DOCK7: variants seen among roughly 807,000 people sequenced by gnomAD.
The protein encoded by DOCK7 is dedicator of cytokinesis protein 7.
In DOCK7, 138 loss-of-function variants were observed where a neutral mutation model predicts 271.0. That is an observed-to-expected ratio of 0.51 (90% CI 0.44 to 0.59). DOCK7 has a LOEUF of 0.59. Ranked by LOEUF, DOCK7 falls within the 20% of genes least tolerant of loss-of-function variation. The probability of loss-of-function intolerance (pLI) is 0.00; values close to 1 mark genes in which losing one functional copy is unlikely to be tolerated. For synonymous variants in DOCK7, 823 were observed against 876.1 expected, an observed-to-expected ratio of 0.94 and a Z score of 1.07; for missense variants, 2,066 against 2,592.4, an observed-to-expected ratio of 0.80 and a Z score of 4.41.
chr1:62,614,285 A>G (rs1652172430), intron 14 of DOCK7, among the ~76,000 whole-genome samples: 1 of 152,020 alleles, frequency 6.6e-6, no homozygotes, highest in Non-Finnish European at 1.5e-5. Flanking sequence ...CGTCATTCCA[A>G]AATTATTTCT....
chr1:62,626,769 C>A (rs1654007703), intron 11 of DOCK7, among the ~76,000 whole-genome samples: 1 of 151,902 alleles, frequency 6.6e-6, no homozygotes, highest in Admixed American at 6.6e-5. Context: ...AAAAACTTAC[C>A]ACAAAGAAAA....
chr1:62,658,944 C>T (rs542399251), intron 2 of DOCK7, among the ~76,000 whole-genome samples: 3 of 150,146 alleles, frequency 2.0e-5, no homozygotes, highest in Admixed American at 6.6e-5. Flanking sequence ...CAGAGTGAGA[C>T]CCCTGTCTCA....
At chr1:62,672,625 T>C (rs1169755170) in intron 1 of DOCK7, among the ~76,000 whole-genome samples, 2 of 152,158 alleles carry the variant, frequency 1.3e-5, no homozygotes, top group Admixed American at 6.5e-5. Context: ...AGAATGTAAG[T>C]TCTATGAGGC....
At chr1:62,666,607 C>T (rs1332757845) in intron 1 of DOCK7, among the ~76,000 whole-genome samples, 2 of 152,186 alleles carry the variant, frequency 1.3e-5, no homozygotes, top group African/African-American at 4.8e-5. Context: ...AAAACTCTAT[C>T]TCTTAACCAT....
At chr1:62,618,376 C>T (rs1652718694) in intron 14 of DOCK7, among the ~76,000 whole-genome samples, 1 of 151,952 alleles carries the variant, frequency 6.6e-6, no homozygotes, top group South Asian at 2.1e-4. Context: ...GAATCAAATC[C>T]CATCACCATC....
At chr1:62,551,814 A>G (rs1431272352) in intron 22 of DOCK7, among the ~76,000 whole-genome samples, 1 of 151,184 alleles carries the variant, frequency 6.6e-6, no homozygotes, top group African/African-American at 2.4e-5. Context: ...TTTTATATAT[A>G]TTTTAAAAAT....
chr1:62,672,300 C>G (rs550015466), intron 1 of DOCK7, among the ~76,000 whole-genome samples: 1 of 152,114 alleles, frequency 6.6e-6, no homozygotes, highest in Admixed American at 6.5e-5. Flanking sequence ...CATATTGGCA[C>G]ATAAAACTAA....
chr1:62,633,551 T>G lies in DOCK7; in HGVS notation c.1063A>C (p.Ile355Leu). The G allele has an allele frequency of 6.2e-7, 1 of 1,613,374 alleles. No homozygotes were observed. Among genetic ancestry groups the G allele is most frequent in the Non-Finnish European group, 8.5e-7 (1 of 1,179,658 alleles). ...KLEKVLQQGD[I>L]GECAEPYMIF... ...ATATATGGTTCTGCACACTCTCCAA[T>G]GTCTCCTTGCTGTAGGACTTTTTCT... is the stretch of plus-strand genomic sequence containing the variant. Residue 355 changes from isoleucine to leucine, a missense_variant, in exon 10 of 50, where the codon ATT becomes CTT. Physicochemically the swap from Ile to Leu is conservative, Grantham distance 5. Around this residue, in one of 2 missense-constraint regions of DOCK7, gnomAD observed 1,414 missense variants for 1,670.4 expected, o/e 0.85. Coordinates refer to ENST00000635253, the MANE Select transcript of DOCK7 (RefSeq NM_001367561.1).
chr1:62,663,335 G>C (rs1345867421), intron 1 of DOCK7, among the ~76,000 whole-genome samples: 2 of 152,154 alleles, frequency 1.3e-5, no homozygotes, highest in African/African-American at 4.8e-5. Context: ...TGTTGATGTA[G>C]GGTACAAGAC....
At position 62,492,623 on chromosome 1, in the gene DOCK7, A is replaced by T. The variant is rs1184785646; in HGVS notation, c.5361+81T>A. ...TATCTTTAAAGAAAAGTAGGGTCAT[A>T]AGCCAGAGAGAATAAATACACATGT... On this transcript the variant is annotated intron_variant, in intron 41 of 49. Coordinates refer to ENST00000635253, the MANE Select transcript of DOCK7 (RefSeq NM_001367561.1). The T allele has an allele frequency of 1.7e-5, 26 of 1,557,846 alleles. No individual in the cohort carries two copies. The Admixed American group carries it at 3.3e-4, about 20-fold the overall frequency.
intron 1 of DOCK7, among the ~76,000 whole-genome samples, chr1:62,686,824 A>G (rs1661813274): frequency 6.6e-6 from 1 of 152,148 alleles, no homozygotes; most frequent in East Asian, 1.9e-4. Flanking sequence ...CCATGCTCTT[A>G]AACACTTGCT....
intron 23 of DOCK7, among the ~76,000 whole-genome samples, chr1:62,544,726 G>C (rs1203768892): frequency 6.6e-6 from 1 of 152,064 alleles, no homozygotes; most frequent in Non-Finnish European, 1.5e-5. Flanking sequence ...GGGTGTGTAA[G>C]GAAGAAAGAA....
intron 37 of DOCK7, 53 bp downstream of exon 37, chr1:62,504,577 C>T: frequency 3.9e-6 from 6 of 1,547,840 alleles, no homozygotes; most frequent in Non-Finnish European, 5.3e-6. Context: ...TAACTATCAG[C>T]AGAAGTTATA....
At position 62,494,255 on chromosome 1, in the gene DOCK7, T is replaced by C. The variant is rs1273448378; in HGVS notation, c.5217+20A>G. ...AAAAAAGATATACCTTGATTTAATG[T>C]ACATCTGGAAGATTCCTACCTGAAA... On this transcript the variant is annotated intron_variant, in intron 40 of 49. Coordinates refer to ENST00000635253, the MANE Select transcript of DOCK7 (RefSeq NM_001367561.1). 7.1e-6 allele frequency: 11 copies of C among 1,551,968 alleles called. No individual in the cohort carries two copies. Among genetic ancestry groups the C allele is most frequent in the Non-Finnish European group, 7.0e-6 (8 of 1,138,718 alleles).
chr1:62,602,731 G>C (rs888120974), intron 14 of DOCK7, among the ~76,000 whole-genome samples: 2 of 151,370 alleles, frequency 1.3e-5, no homozygotes, highest in Admixed American at 1.3e-4. Context: ...ACCACTCCTA[G>C]CATTAGTCAC....
At chr1:62,573,418 A>C (rs1646848106) in intron 18 of DOCK7, among the ~76,000 whole-genome samples, 1 of 152,214 alleles carries the variant, frequency 6.6e-6, no homozygotes, top group African/African-American at 2.4e-5. Flanking sequence ...GTTTTATTTG[A>C]TCATAAGCAA....
intron 13 of DOCK7, among the ~76,000 whole-genome samples, chr1:62,619,559 C>G (rs747397270): frequency 3.3e-5 from 5 of 152,160 alleles, no homozygotes; most frequent in Non-Finnish European, 7.4e-5. Flanking sequence ...TAACAATATA[C>G]TATAATAAAT....
rs572530090 is a variant in DOCK7 at position 62,477,052 on chromosome 1, G to A, written c.5634+648C>T. 5 of 152,278 alleles carry A rather than the reference G, an allele frequency of 3.3e-5. No homozygotes were observed. The South Asian group carries it at 1.0e-3, about 32-fold the overall frequency. The allele number at this position is 152,278 out of a possible 1,614,324, so 9.4% of individuals were successfully genotyped here. A position where few individuals can be genotyped will look rare whatever the true frequency, so the allele number is the denominator to read the frequency against. ...CAGACTTTGATTCACAGGGGCTGGG[G>A]TGGGGTCTGAGGTTCTGCATTTCAA... On this transcript the variant is annotated intron_variant, in intron 44 of 49. Transcript: ENST00000635253.
chr1:62,633,601 A>C (rs1243575131), intron 9 of DOCK7, 23 bp from the exon 10 acceptor site: 15 of 1,566,748 alleles, frequency 9.6e-6, no homozygotes, highest in Non-Finnish European at 1.3e-5. Context: ...AAAAAAGTTA[A>C]GATTAAGCTT....
Sources: allele counts gnomAD v4.1 joint callset (sites outside exome capture counted in the v4.1 genomes callset), GRCh38; gene constraint gnomAD v4.1.1; regional missense constraint gnomAD v4.1.1; transcripts MANE v1.5; gene names NCBI Gene and HGNC (gene_info 2026-07-23, HGNC 2026-07-21).